CC2D2B: variants seen among roughly 807,000 people sequenced by gnomAD.
The protein encoded by CC2D2B is coiled-coil and C2 domain containing 2B, also known as protein CC2D2B.
In CC2D2B, 128 loss-of-function variants were observed where a neutral mutation model predicts 161.2. That is an observed-to-expected ratio of 0.79 (90% CI 0.69 to 0.92). The LOEUF is 0.92. CC2D2B is among the 40% of genes least tolerant of loss of function. The pLI is 0.00. For missense variants in CC2D2B, 1,173 were observed against 1,375.1 expected (o/e 0.85, Z 2.32); for synonymous variants, 391 against 449.8 (o/e 0.87, Z 1.65).
chr10:95,962,949 A>T (rs924721781), intron 12 of CC2D2B, among the ~76,000 whole-genome samples: 1 of 152,104 alleles, frequency 6.6e-6, no homozygotes, highest in Admixed American at 6.6e-5. Context: ...CAGATGTCGT[A>T]GGGTTACCCA....
chr10:95,966,688 TA>T (rs2076951898), intron 14 of CC2D2B, among the ~76,000 whole-genome samples: 2 of 152,126 alleles, frequency 1.3e-5, no homozygotes, highest in Non-Finnish European at 2.9e-5. Context: ...AGGTGAGATA[TA>T]AAGGCACTGT....
intron 11 of CC2D2B, chr10:95,961,612 G>C (rs1172983363): frequency 2.9e-6 from 1 of 339,836 alleles, no homozygotes; most frequent in Admixed American, 4.8e-5. Flanking sequence ...CTTTTGAATA[G>C]TGAAAAGCCA....
intron 12 of CC2D2B, among the ~76,000 whole-genome samples, chr10:95,962,571 C>G (rs186175861): frequency 6.6e-6 from 1 of 152,190 alleles, no homozygotes; most frequent in Admixed American, 6.5e-5. Flanking sequence ...AATCATAAAA[C>G]CATGTCTTAT....
intron 17 of CC2D2B, among the ~76,000 whole-genome samples, 154 bp downstream of exon 17, chr10:95,974,310 G>A: frequency 6.6e-6 from 1 of 152,110 alleles, no homozygotes; most frequent in East Asian, 1.9e-4. Context: ...CTCTACTAAG[G>A]CAGTATGTGT....
chr10:96,003,032 A>T (rs2078576668), intron 24 of CC2D2B, among the ~76,000 whole-genome samples: 1 of 147,674 alleles, frequency 6.8e-6, no homozygotes, highest in Non-Finnish European at 1.5e-5. Flanking sequence ...ATATATATAT[A>T]TATATATATA....
intron 9 of CC2D2B, among the ~76,000 whole-genome samples, chr10:95,939,909 ACTGT>A (rs1293290195): frequency 6.6e-6 from 1 of 151,984 alleles, no homozygotes; most frequent in African/African-American, 2.4e-5. Flanking sequence ...TAATTTTCTC[ACTGT>A]CTGTATTAGT....
intron 18 of CC2D2B, 46 bp downstream of exon 18, chr10:95,982,159 A>G (rs1485482644): frequency 3.3e-5 from 38 of 1,155,244 alleles, no homozygotes; most frequent in Non-Finnish European, 3.7e-5. Context: ...TCTATTTCCT[A>G]AGCTCTACTT....
intron 28 of CC2D2B, 25 bp from the exon 29 acceptor site, chr10:96,013,761 ACT>A: frequency 7.1e-7 from 1 of 1,404,160 alleles, no homozygotes; most frequent in Non-Finnish European, 1.0e-6. Flanking sequence ...TACAGCACAC[ACT>A]CAATAAATGT....
At chr10:96,005,892 A>C (rs888359235) in intron 25 of CC2D2B, among the ~76,000 whole-genome samples, 1 of 152,148 alleles carries the variant, frequency 6.6e-6, no homozygotes, top group African/African-American at 2.4e-5. Context: ...TTAAAAAAAT[A>C]GTTATTTTCA....
At chr10:95,921,567 A>G (rs1316185817) in intron 2 of CC2D2B, 2 of 152,218 alleles carry the variant, frequency 1.3e-5, no homozygotes, top group African/African-American at 4.8e-5. Flanking sequence ...TGATTGCTGG[A>G]GGATTCTATC....
In CC2D2B at chr10:95,982,007, C is replaced by G; in HGVS notation, c.1976C>G (p.Pro659Arg). 8.1e-7 allele frequency: 1 copy of G among 1,230,768 alleles called. No homozygotes were observed. The highest frequency in any genetic ancestry group is 4.1e-5 in the South Asian group (1 of 24,280). 76.2% of individuals were successfully genotyped at this position (1,230,768 alleles called of 1,614,324 possible). A position where few individuals can be genotyped will look rare whatever the true frequency, so the allele number is the denominator to read the frequency against. ...AGGAATGTAGATGCAAGAAGTGTTC[C>G]TGGAATTCCATGGCTCATGAATGAA... ...MLRNVDARSV[P>R]GIPWLMNEQK... The change falls in exon 18 of 35, where the codon CCT becomes CGT. Residue 659 changes from proline to arginine, a missense_variant. Pro to Arg is a moderately radical substitution (Grantham distance 103, BLOSUM62 -2). Transcript: ENST00000646931.
intron 17 of CC2D2B, among the ~76,000 whole-genome samples, chr10:95,978,432 A>G (rs1451786608): frequency 6.6e-6 from 1 of 152,204 alleles, no homozygotes; most frequent in East Asian, 1.9e-4. Flanking sequence ...TGGTGTAATC[A>G]TAGCAGCCTC....
intron 17 of CC2D2B, among the ~76,000 whole-genome samples, chr10:95,981,543 T>G (rs1471604930): frequency 6.6e-6 from 1 of 152,218 alleles, no homozygotes; most frequent in Non-Finnish European, 1.5e-5. Flanking sequence ...TTCTGTGCTT[T>G]CTTAATTTTG....
At chr10:95,947,353 T>G (rs762436407) in intron 9 of CC2D2B, among the ~76,000 whole-genome samples, 16 of 151,022 alleles carry the variant, frequency 1.1e-4, no homozygotes, top group Non-Finnish European at 2.2e-4. Context: ...CCTCAGGTGG[T>G]CCACCTGCCT....
chr10:95,957,169 C>G (rs1287581408), intron 11 of CC2D2B, among the ~76,000 whole-genome samples: 1 of 151,994 alleles, frequency 6.6e-6, no homozygotes, highest in Admixed American at 6.6e-5. Flanking sequence ...TTCAGGAGCC[C>G]AAGGTAAGCA....
chr10:95,972,236 T>G lies in CC2D2B; in HGVS notation c.1795+20T>G. The stretch of plus-strand genomic sequence containing the variant: ...GAAGCAGTGAGTTTATTAAAAATAT[T>G]ACATTCCCCCTATTTTCTTCCTGAG... On this transcript the variant is annotated intron_variant, in intron 16 of 34. Coordinates refer to ENST00000646931, the MANE Select transcript of CC2D2B (RefSeq NM_001349008.3). 8.1e-7 allele frequency: 1 copy of G among 1,229,618 alleles called. No individual in the cohort carries two copies. 76.2% of individuals were successfully genotyped at this position (1,229,618 alleles called of 1,614,324 possible).
chr10:95,924,884 T>C, intron 5 of CC2D2B, 40 bp downstream of exon 5: 1 of 1,271,338 alleles, frequency 7.9e-7, no homozygotes, highest in Non-Finnish European at 1.1e-6. Flanking sequence ...TAAAACAGCT[T>C]TATGGAAGTA....
intron 6 of CC2D2B, among the ~76,000 whole-genome samples, chr10:95,935,885 C>T (rs1350234710): frequency 2.0e-5 from 3 of 152,182 alleles, no homozygotes; most frequent in Non-Finnish European, 4.4e-5. Context: ...CACTTATCAC[C>T]ACTTAATGTA....
At chr10:95,982,153 T>C (rs2077552365) in intron 18 of CC2D2B, 40 bp downstream of exon 18, 1 of 1,166,120 alleles carries the variant, frequency 8.6e-7, no homozygotes, top group East Asian at 3.2e-5. Context: ...ACATATTCTA[T>C]TTCCTAAGCT....
Sources: allele counts gnomAD v4.1 joint callset (sites outside exome capture counted in the v4.1 genomes callset), GRCh38; gene constraint gnomAD v4.1.1; transcripts MANE v1.5; gene names NCBI Gene and HGNC (gene_info 2026-07-23, HGNC 2026-07-21).